The following ASIC2 variants were observed in gnomAD, a reference collection of about 807,000 sequenced individuals.
ASIC2 encodes acid sensing ion channel subunit 2, also known as acid-sensing ion channel 2.
Under a neutral mutation model 57.3 loss-of-function variants are expected in ASIC2, and 25 were observed. The observed-to-expected ratio is 0.44, with a 90% confidence interval of 0.32 to 0.61. The LOEUF (loss-of-function observed/expected upper bound fraction) is 0.61, where lower values mean the gene tolerates loss of function less well. Among genes scored for constraint, ASIC2 ranks in the 20% least tolerant of loss-of-function variants. ASIC2 has a pLI of 0.06. For synonymous variants in ASIC2, 319 were observed against 307.5 expected (o/e 1.04, Z -0.39); for missense variants, 641 against 738.1 (o/e 0.87, Z 1.52).
At chr17:33,518,627 A>C (rs1914643575) in intron 1 of ASIC2, among the ~76,000 whole-genome samples, 1 of 152,238 alleles carries the variant, frequency 6.6e-6, no homozygotes, top group African/African-American at 2.4e-5. Context: ...TTTAAAAAAC[A>C]ATAGCACCTT....
chr17:33,026,412 A>G (rs780478534), intron 4 of ASIC2, among the ~76,000 whole-genome samples: 2 of 152,148 alleles, frequency 1.3e-5, no homozygotes, highest in African/African-American at 2.4e-5. Context: ...TGTTTTACCC[A>G]TGATAATTTT....
chr17:33,059,333 A>G (rs1407389990), intron 3 of ASIC2, among the ~76,000 whole-genome samples: 2 of 151,530 alleles, frequency 1.3e-5, no homozygotes, highest in Non-Finnish European at 2.9e-5. Flanking sequence ...AACAGGCCCC[A>G]GTGTGTGATG....
At chr17:33,456,416 C>T (rs574811515) in intron 1 of ASIC2, among the ~76,000 whole-genome samples, 1 of 152,158 alleles carries the variant, frequency 6.6e-6, no homozygotes, top group Non-Finnish European at 1.5e-5. Flanking sequence ...CCCCATCCCC[C>T]CTTCAGTCTA....
At chr17:33,061,878 GT>G (rs1365139840) in intron 3 of ASIC2, among the ~76,000 whole-genome samples, 3 of 152,082 alleles carry the variant, frequency 2.0e-5, no homozygotes, top group African/African-American at 7.2e-5. Context: ...CTTCTTCCTG[GT>G]TTAGTCTCAG....
chr17:33,542,823 T>C (rs1469096055), intron 1 of ASIC2, among the ~76,000 whole-genome samples: 1 of 148,148 alleles, frequency 6.8e-6, no homozygotes, highest in East Asian at 2.0e-4. Context: ...TCCTTGCCCA[T>C]GCCTATGTCC....
intron 1 of ASIC2, among the ~76,000 whole-genome samples, chr17:33,743,785 C>T (rs1413758318): frequency 6.6e-6 from 1 of 152,180 alleles, no homozygotes; most frequent in Non-Finnish European, 1.5e-5. Context: ...GCCAACCCTG[C>T]AGATTTTGGA....
chr17:33,691,293 T>C (rs1908361470), intron 1 of ASIC2, among the ~76,000 whole-genome samples: 1 of 152,204 alleles, frequency 6.6e-6, no homozygotes, highest in Non-Finnish European at 1.5e-5. Context: ...TGATGGAAAT[T>C]GATTGACTAA....
At chr17:33,820,699 T>A (rs1912716551) in intron 1 of ASIC2, among the ~76,000 whole-genome samples, 1 of 152,196 alleles carries the variant, frequency 6.6e-6, no homozygotes, top group Non-Finnish European at 1.5e-5. Flanking sequence ...TAAAAAATTA[T>A]TTTTTACTTG....
intron 1 of ASIC2, among the ~76,000 whole-genome samples, chr17:33,579,259 C>G (rs1916778982): frequency 7.3e-6 from 1 of 137,760 alleles, no homozygotes; most frequent in African/African-American, 2.9e-5. Flanking sequence ...GCACTCCAGC[C>G]TGGGTAGCAC....
At chr17:33,108,497 A>G (rs1269447041) in intron 2 of ASIC2, among the ~76,000 whole-genome samples, 1 of 152,120 alleles carries the variant, frequency 6.6e-6, no homozygotes, top group African/African-American at 2.4e-5. Flanking sequence ...GGGATCAATG[A>G]CCAAGCAGCC....
At chr17:33,386,962 G>C (rs1025414269) in intron 1 of ASIC2, among the ~76,000 whole-genome samples, 8 of 151,174 alleles carry the variant, frequency 5.3e-5, no homozygotes, top group African/African-American at 1.5e-4. Context: ...GTGTGTGTCT[G>C]TGTGTGTGTG....
At chr17:33,686,079 G>A (rs945915159) in intron 1 of ASIC2, among the ~76,000 whole-genome samples, 2 of 152,128 alleles carry the variant, frequency 1.3e-5, no homozygotes, top group East Asian at 1.9e-4. Context: ...GTGGGAGGTC[G>A]GAATCCTCAG....
intron 1 of ASIC2, among the ~76,000 whole-genome samples, chr17:33,157,520 G>A (rs1905040073): frequency 6.6e-6 from 1 of 152,108 alleles, no homozygotes; most frequent in Non-Finnish European, 1.5e-5. Context: ...CTTATTATAA[G>A]TAAACTACAT....
At chr17:33,068,079 A>G (rs1463465983) in intron 3 of ASIC2, among the ~76,000 whole-genome samples, 1 of 152,138 alleles carries the variant, frequency 6.6e-6, no homozygotes, top group African/African-American at 2.4e-5. Flanking sequence ...CAACCCAGAG[A>G]GTGCAACGGC....
intron 1 of ASIC2, among the ~76,000 whole-genome samples, chr17:34,117,591 T>C (rs1911465454): frequency 6.6e-6 from 1 of 152,054 alleles, no homozygotes. Context: ...GGGCTTTAGT[T>C]AAAGAGACGT....
chr17:33,294,996 G>T (rs1484517338), upstream of ASIC2, among the ~76,000 whole-genome samples: 1 of 152,216 alleles, frequency 6.6e-6, no homozygotes, highest in Non-Finnish European at 1.5e-5. Flanking sequence ...AAGGTGGGGT[G>T]ACCTAGTGAC....
intron 1 of ASIC2, among the ~76,000 whole-genome samples, chr17:33,799,434 C>CTTTCTTTCTTTCTTA (rs1912047747): frequency 9.6e-5 from 3 of 31,126 alleles, no homozygotes; most frequent in African/African-American, 3.3e-4. Context: ...TTTCTTCTTT[C>CTTTCTTTCTTTCTTA]TTTCTTTCTT....
chr17:33,495,525 A>G (rs1278410422), intron 1 of ASIC2, among the ~76,000 whole-genome samples: 1 of 152,168 alleles, frequency 6.6e-6, no homozygotes, highest in East Asian at 1.9e-4. Flanking sequence ...ATCTGGCAGT[A>G]TGGCTCTCTG....
At chr17:33,843,329 A>G (rs996039761) in intron 1 of ASIC2, among the ~76,000 whole-genome samples, 3 of 152,210 alleles carry the variant, frequency 2.0e-5, no homozygotes, top group Non-Finnish European at 2.9e-5. Context: ...TTTGAAAGGT[A>G]GGTTTAGAAA....
Sources: allele counts gnomAD v4.1 joint callset (sites outside exome capture counted in the v4.1 genomes callset), GRCh38; gene constraint gnomAD v4.1.1; transcripts MANE v1.5; gene names NCBI Gene and HGNC (gene_info 2026-07-23, HGNC 2026-07-21).